Variants in MARCOL observed in about 807,000 individuals in gnomAD.
MARCOL encodes MARCO like.
chr5:148,243,554 A>G lies in MARCOL; in HGVS notation c.*300A>G, dbSNP rs1348873403. ...CTAGCCATCAGAGAAAATTAAGGTCATTTTACAACCAACGACAAAGAAAAA... is the reference window on the plus strand; with the variant it reads ...CTAGCCATCAGAGAAAATTAAGGTCGTTTTACAACCAACGACAAAGAAAAA... On this transcript the variant is annotated 3_prime_UTR_variant, in exon 2 of 2. Coordinates refer to ENST00000638089, the MANE Select transcript of MARCOL (RefSeq NM_001363511.2). The G allele has an allele frequency of 3.3e-6, 1 of 301,660 alleles. No homozygotes were observed. Among genetic ancestry groups the G allele is most frequent in the Non-Finnish European group, 6.0e-6 (1 of 165,524 alleles). 18.7% of individuals were successfully genotyped at this position (301,660 alleles called of 1,614,324 possible).
rs10463281 is a variant in MARCOL at position 148,243,294 on chromosome 5, C to A, written c.*40C>A. ...AGGGAATATAGGATCTCCTAGCCAA[C>A]AGGAGAAGCCAGAGTCTTCTAGCCA... On this transcript the variant is annotated 3_prime_UTR_variant, in exon 2 of 2. Coordinates refer to ENST00000638089, the MANE Select transcript of MARCOL (RefSeq NM_001363511.2). 338,186 of 397,624 alleles carry A rather than the reference C, an allele frequency of 0.85. 148,653 individuals are homozygous for A. The highest frequency in any genetic ancestry group is 0.93 in the Middle Eastern group (1,473 of 1,582). 24.6% of individuals were successfully genotyped at this position (397,624 alleles called of 1,614,324 possible).
At position 148,243,249 on chromosome 5, in the gene MARCOL, CTA is replaced by C. The variant is rs1487096748; in HGVS notation, c.855_856del (p.Ter286IlefsTer3). 5.0e-6 allele frequency: 2 copies of C among 398,734 alleles called. No individual in the cohort carries two copies. The highest frequency in any genetic ancestry group is 8.8e-6 in the Non-Finnish European group (2 of 226,418). 24.7% of individuals were successfully genotyped at this position (398,734 alleles called of 1,614,324 possible). ...KPGSSSRQGN[L>X] ...AGGTTCATCCAGCCGTCAAGGAAAT[CTA>C]TGATTATCTAGCCAGCAAGGGAATA... is the stretch of plus-strand genomic sequence containing the variant. On this transcript the variant is annotated frameshift_variant, in exon 2 of 2. Transcript: ENST00000638089. LOFTEE classifies it high-confidence loss of function.
At chr5:148,242,384 T>C (rs977026410) in intron 1 of MARCOL, 62 bp from the exon 2 acceptor site, 2 of 396,540 alleles carry the variant, frequency 5.0e-6, no homozygotes, top group Non-Finnish European at 8.9e-6. Context: ...TGTTGTTGAT[T>C]TAAAATTATT....
chr5:148,240,350 C>A (rs191124395), intron 1 of MARCOL, among the ~76,000 whole-genome samples: 52 of 151,776 alleles, frequency 3.4e-4, no homozygotes, highest in African/African-American at 1.2e-3. Context: ...AGTGTGCCAC[C>A]AATTGTGTGA....
chr5:148,242,696 G>T lies in MARCOL; in HGVS notation c.300G>T (p.Gly100=), dbSNP rs200724321. The T allele has an allele frequency of 2.5e-6, 1 of 398,130 alleles. No homozygotes were observed. The highest frequency in any genetic ancestry group is 4.4e-6 in the Non-Finnish European group (1 of 225,956). The allele number at this position is 398,130 out of a possible 1,614,324, so 24.7% of individuals were successfully genotyped here. The part of the protein sequence containing the change: ...QGRAGVLNQP[G]ILKNSGKSNQ... ...GAGCAGGAGTTTTAAACCAGCCTGG[G>T]ATTTTAAAGAATTCAGGAAAATCTA... The change falls in exon 2 of 2, where the codon GGG becomes GGT. Residue 100 remains glycine, a synonymous_variant. Transcript: ENST00000638089.
rs73795048 is a variant in MARCOL at position 148,243,267 on chromosome 5, C to A, written c.*13C>A. ...AGGAAATCTATGATTATCTAGCCAG[C>A]AAGGGAATATAGGATCTCCTAGCCA... On this transcript the variant is annotated 3_prime_UTR_variant, in exon 2 of 2. Coordinates refer to ENST00000638089, the MANE Select transcript of MARCOL (RefSeq NM_001363511.2). 8,841 of 398,626 alleles carry A rather than the reference C, an allele frequency of 0.022. 678 individuals are homozygous for A. The highest frequency in any genetic ancestry group is 0.16 in the African/African-American group (7,939 of 48,614). 24.7% of individuals were successfully genotyped at this position (398,626 alleles called of 1,614,324 possible).
At chr5:148,241,524 CAAAA>C (rs71001486) in intron 1 of MARCOL, among the ~76,000 whole-genome samples, 27 of 126,348 alleles carry the variant, frequency 2.1e-4, no homozygotes, top group Non-Finnish European at 2.6e-4. Context: ...ACACTTCTAC[CAAAA>C]AAAAAAAAAA....
intron 1 of MARCOL, among the ~76,000 whole-genome samples, chr5:148,242,039 A>T (rs1458962468): frequency 6.6e-6 from 1 of 152,180 alleles, no homozygotes; most frequent in Non-Finnish European, 1.5e-5. Context: ...TGATGGCGTT[A>T]TCCGTAAAGT....
chr5:148,241,391 C>A (rs200773137), intron 1 of MARCOL, among the ~76,000 whole-genome samples: 1 of 150,800 alleles, frequency 6.6e-6, no homozygotes, highest in Admixed American at 6.6e-5. Context: ...AAAAAAATAC[C>A]AAAAAAACCT....
intron 1 of MARCOL, among the ~76,000 whole-genome samples, chr5:148,242,083 T>C (rs554589345): frequency 1.3e-5 from 2 of 152,220 alleles, no homozygotes; most frequent in East Asian, 3.9e-4. Flanking sequence ...GTACTTGGTG[T>C]GAAAAAATAA....
chr5:148,240,484 T>C (rs981065037), intron 1 of MARCOL, among the ~76,000 whole-genome samples: 1 of 151,620 alleles, frequency 6.6e-6, no homozygotes, highest in African/African-American at 2.4e-5. Flanking sequence ...TAGGAAATAA[T>C]TATGTCGTAG....
In MARCOL at chr5:148,238,586, A is replaced by G. The variant is rs1195204061; in HGVS notation, c.-12A>G. 5.0e-6 allele frequency: 2 copies of G among 398,038 alleles called. No homozygotes were observed. Among genetic ancestry groups the G allele is most frequent in the Non-Finnish European group, 8.9e-6 (2 of 225,416 alleles). 24.7% of individuals were successfully genotyped at this position (398,038 alleles called of 1,614,324 possible). Reference sequence around the variant, plus strand: ...CCACCCAACAGCCAAGTCTGAAACCACTGACGGTACCATGAGGGCTTTCAT... The same window carrying G: ...CCACCCAACAGCCAAGTCTGAAACCGCTGACGGTACCATGAGGGCTTTCAT... On this transcript the variant is annotated 5_prime_UTR_variant, in exon 1 of 2. Transcript: ENST00000638089.
Position 148,242,492 on chromosome 5 carries a change from G to T in MARCOL, c.96G>T (p.Glu32Asp), listed in dbSNP as rs994450895. The change falls in exon 2 of 2, where the codon GAG (glutamate) becomes GAT (aspartate). Residue 32 changes from glutamate (E) to aspartate (D), a missense_variant. By Grantham distance (45) the Glu-to-Asp change is conservative. Coordinates refer to ENST00000638089, the MANE Select transcript of MARCOL (RefSeq NM_001363511.2). Reference protein sequence around the residue: ...ISNTSVFKLEENPKPALILEE... With the variant: ...ISNTSVFKLEDNPKPALILEE... Reference sequence around the variant, plus strand: ...ATACCAGTGTTTTCAAACTAGAAGAGAATCCAAAACCTGCACTTATTCTGG... The same window carrying T: ...ATACCAGTGTTTTCAAACTAGAAGATAATCCAAAACCTGCACTTATTCTGG... The T allele has an allele frequency of 2.5e-6, 1 of 398,146 alleles. No homozygotes were observed. The highest frequency in any genetic ancestry group is 2.1e-5 in the African/African-American group (1 of 48,660). The allele number at this position is 398,146 out of a possible 1,614,324, so 24.7% of individuals were successfully genotyped here.
intron 1 of MARCOL, among the ~76,000 whole-genome samples, chr5:148,240,033 T>A (rs1755947340): frequency 6.6e-6 from 1 of 151,942 alleles, no homozygotes; most frequent in Non-Finnish European, 1.5e-5. Context: ...CATTATAATA[T>A]CTTAATTGTC....
intron 1 of MARCOL, among the ~76,000 whole-genome samples, chr5:148,240,431 T>G (rs1755951242): frequency 6.6e-6 from 1 of 151,742 alleles, no homozygotes; most frequent in Non-Finnish European, 1.5e-5. Flanking sequence ...CCTGTAAATG[T>G]GATGGTGTCT....
chr5:148,239,465 A>G (rs1755940749), intron 1 of MARCOL, among the ~76,000 whole-genome samples: 2 of 151,962 alleles, frequency 1.3e-5, no homozygotes, highest in Admixed American at 6.6e-5. Flanking sequence ...TGTAACATCA[A>G]AATAGTGTTT....
chr5:148,240,920 G>A (rs1001917085), intron 1 of MARCOL, among the ~76,000 whole-genome samples: 3 of 151,824 alleles, frequency 2.0e-5, no homozygotes, highest in African/African-American at 4.8e-5. Context: ...TACTCCTCAC[G>A]TGATAGCATT....
At chr5:148,241,591 T>C (rs1755966725) in intron 1 of MARCOL, among the ~76,000 whole-genome samples, 1 of 150,342 alleles carries the variant, frequency 6.7e-6, no homozygotes, top group African/African-American at 2.4e-5. Context: ...AGCTCTACAG[T>C]GATTCCATTT....
chr5:148,240,609 T>C (rs1185926757), intron 1 of MARCOL, among the ~76,000 whole-genome samples: 1 of 151,880 alleles, frequency 6.6e-6, no homozygotes, highest in Non-Finnish European at 1.5e-5. Flanking sequence ...CATTTACTCG[T>C]GTCACCTGTT....
Sources: allele counts gnomAD v4.1 joint callset (sites outside exome capture counted in the v4.1 genomes callset), GRCh38; gene constraint gnomAD v4.1.1; transcripts MANE v1.5; gene names NCBI Gene and HGNC (gene_info 2026-07-23, HGNC 2026-07-21).